DPP6: variants seen among roughly 807,000 people sequenced by gnomAD.
The protein encoded by DPP6 is A-type potassium channel modulatory protein DPP6.
A neutral mutation model predicts 122.6 loss-of-function variants in DPP6; 69 were observed. That is an observed-to-expected ratio of 0.56 (90% confidence interval 0.46 to 0.69). DPP6 has a LOEUF of 0.69. DPP6 is among the 30% of genes least tolerant of loss of function. The pLI, the probability that DPP6 is intolerant of heterozygous loss-of-function variation, is 0.00. For synonymous variants in DPP6, 418 were observed against 433.1 expected, an observed-to-expected ratio of 0.97 and a Z score of 0.43; for missense variants, 928 against 1,116.9, an observed-to-expected ratio of 0.83 and a Z score of 2.41.
At chr7:154,725,639 A>G (rs1193602504) in intron 7 of DPP6, among the ~76,000 whole-genome samples, 1 of 152,196 alleles carries the variant, frequency 6.6e-6, no homozygotes, top group Admixed American at 6.5e-5. Flanking sequence ...GGGTGGGGTC[A>G]CAAATCCAAA....
the DPP6 span, among the ~76,000 whole-genome samples, chr7:153,776,473 A>G: frequency 6.6e-6 from 1 of 152,140 alleles, no homozygotes; most frequent in South Asian, 2.1e-4. Flanking sequence ...CGTGATTGTA[A>G]GTTTCCTGAG....
intron 5 of DPP6, among the ~76,000 whole-genome samples, chr7:154,568,513 C>T (rs554838184): frequency 2.0e-5 from 3 of 152,296 alleles, no homozygotes; most frequent in Middle Eastern, 6.8e-3. Flanking sequence ...TTCCCGCAGC[C>T]GTGTGATCGG....
intron 5 of DPP6, among the ~76,000 whole-genome samples, chr7:154,568,406 C>G (rs530413341): frequency 5.9e-5 from 9 of 152,350 alleles, no homozygotes; most frequent in Admixed American, 3.9e-4. Context: ...CTTTAATCAT[C>G]GGAGCACCCC....
chr7:154,214,357 T>C (rs1799888611), intron 1 of DPP6, among the ~76,000 whole-genome samples: 1 of 152,242 alleles, frequency 6.6e-6, no homozygotes, highest in Non-Finnish European at 1.5e-5. Flanking sequence ...GATGTGCTCA[T>C]GGGTTCTCAT....
At chr7:154,246,411 T>C (rs1801988716) in intron 1 of DPP6, among the ~76,000 whole-genome samples, 1 of 152,132 alleles carries the variant, frequency 6.6e-6, no homozygotes, top group African/African-American at 2.4e-5. Flanking sequence ...TGACAAATAA[T>C]GGTGACAACT....
At chr7:154,832,952 G>A (rs1041558213) in intron 16 of DPP6, among the ~76,000 whole-genome samples, 2 of 152,230 alleles carry the variant, frequency 1.3e-5, no homozygotes, top group African/African-American at 4.8e-5. Flanking sequence ...CCTCCAGTTC[G>A]AGAAGTCTTT....
chr7:154,588,024 C>T (rs1219899778), intron 5 of DPP6: 2 of 1,612,682 alleles, frequency 1.2e-6, no homozygotes, highest in Non-Finnish European at 1.7e-6. Context: ...CGCATCTGCT[C>T]ACCCCGGGGA....
chr7:153,884,403 T>C (rs1056701008), upstream of DPP6, among the ~76,000 whole-genome samples: 3 of 152,208 alleles, frequency 2.0e-5, no homozygotes, highest in African/African-American at 7.2e-5. Context: ...CTTAATCCAG[T>C]CTATCATGTT....
intron 1 of DPP6, among the ~76,000 whole-genome samples, chr7:154,314,799 T>A (rs1807286907): frequency 6.6e-6 from 1 of 152,096 alleles, no homozygotes; most frequent in South Asian, 2.1e-4. Context: ...GTGGGAAATA[T>A]AATATGCCAA....
chr7:153,822,138 G>T, the DPP6 span, among the ~76,000 whole-genome samples: 1 of 142,022 alleles, frequency 7.0e-6, no homozygotes. Flanking sequence ...AGTTATTTCT[G>T]TAGGTGAGCT....
intron 1 of DPP6, among the ~76,000 whole-genome samples, chr7:154,197,038 C>A (rs1798905243): frequency 6.6e-6 from 1 of 152,018 alleles, no homozygotes; most frequent in African/African-American, 2.4e-5. Context: ...CATAAAGTCT[C>A]CCTTTCTGAA....
intron 1 of DPP6, among the ~76,000 whole-genome samples, chr7:154,244,864 T>A (rs1360214700): frequency 1.3e-5 from 2 of 151,926 alleles, no homozygotes; most frequent in Non-Finnish European, 2.9e-5. Flanking sequence ...TTCAATAATT[T>A]CACTAGATGC....
chr7:154,265,353 G>T (rs574098366), intron 1 of DPP6, among the ~76,000 whole-genome samples: 1 of 152,144 alleles, frequency 6.6e-6, no homozygotes. Context: ...GAAATGTGGT[G>T]CAGCCTTCTT....
chr7:154,670,237 C>G (rs943393162), intron 7 of DPP6, among the ~76,000 whole-genome samples: 2 of 152,178 alleles, frequency 1.3e-5, no homozygotes, highest in African/African-American at 4.8e-5. Context: ...TGCAAAACCC[C>G]CCGTGGTCAT....
chr7:153,787,390 A>G, the DPP6 span, among the ~76,000 whole-genome samples: 1 of 148,058 alleles, frequency 6.8e-6, no homozygotes, highest in African/African-American at 2.5e-5. Context: ...TTCTCCAGAG[A>G]TGCTGTTCTT....
intron 1 of DPP6, among the ~76,000 whole-genome samples, chr7:154,102,854 C>A (rs1302427645): frequency 6.6e-6 from 1 of 152,182 alleles, no homozygotes. Context: ...TCTCTAAAAT[C>A]AGGCCACTTT....
the DPP6 span, among the ~76,000 whole-genome samples, chr7:153,857,843 G>A: frequency 1.3e-5 from 2 of 152,134 alleles, no homozygotes; most frequent in African/African-American, 4.8e-5. Context: ...CCACATACTT[G>A]GGTTTTGTGA....
At chr7:154,147,245 C>G (rs1796138817) in intron 1 of DPP6, among the ~76,000 whole-genome samples, 1 of 152,200 alleles carries the variant, frequency 6.6e-6, no homozygotes, top group African/African-American at 2.4e-5. Context: ...TCTCACTCCT[C>G]TCTCTGTGAC....
At chr7:154,021,195 C>T (rs1007278443) in intron 1 of DPP6, among the ~76,000 whole-genome samples, 15 of 152,242 alleles carry the variant, frequency 9.9e-5, no homozygotes, top group African/African-American at 2.4e-4. Context: ...CAGCACTCTG[C>T]GAACGTTTGC....
Sources: gnomAD v4.1 joint callset for allele counts (sites outside exome capture counted in the v4.1 genomes callset) on GRCh38, gnomAD v4.1.1 for gene constraint, MANE v1.5 for transcripts, NCBI Gene and HGNC (gene_info 2026-07-23, HGNC 2026-07-21) for gene names.